The following DCDC1 variants were observed in gnomAD, a reference collection of about 807,000 sequenced individuals.
DCDC1 encodes doublecortin domain-containing protein 1.
A neutral mutation model predicts 178.3 loss-of-function variants in DCDC1; 200 were observed. That is an observed-to-expected ratio of 1.12 (90% CI 1.00 to 1.26). The LOEUF (loss-of-function observed/expected upper bound fraction) is 1.26. Ranked by LOEUF, DCDC1 falls within the 50% of genes most tolerant of loss-of-function variation. The pLI, the probability that DCDC1 is intolerant of heterozygous loss-of-function variation, is 0.00. For missense variants in DCDC1, 1,983 were observed against 1,749.2 expected (o/e 1.13, Z -2.38); for synonymous variants, 690 against 604.8 (o/e 1.14, Z -2.07).
At position 30,933,683 on chromosome 11, in the gene DCDC1, A is replaced by G. The variant is rs115956954; in HGVS notation, c.2716-1731T>C. 3.8e-3 allele frequency among the ~76,000 whole-genome samples: 579 copies of G among 152,338 alleles called. 2 individuals are homozygous for G. The highest frequency in any genetic ancestry group is 0.013 in the African/African-American group (560 of 41,578). On this transcript the variant is annotated intron_variant, in intron 21 of 38. Transcript: ENST00000684477. ...AGCCTCATGAAATGAATTGGAAAGT[A>G]TTGCTTCTTGTGAGAAACACACTCA...
chr11:31,221,997 A>T (rs553449660), intron 9 of DCDC1, among the ~76,000 whole-genome samples: 2 of 152,278 alleles, frequency 1.3e-5, no homozygotes, highest in South Asian at 4.1e-4. Context: ...ACACTAGAAC[A>T]CAATTCAACC....
Position 30,925,030 on chromosome 11 carries a change from G to A in DCDC1, c.2997+279C>T, listed in dbSNP as rs543126827. 6.0e-4 allele frequency among the ~76,000 whole-genome samples: 90 copies of A among 150,688 alleles called. 1 individual carries two copies. The highest frequency in any genetic ancestry group is 1.1e-3 in the African/African-American group (47 of 40,982). ...AGAGGTTGCAGTGAGCCAAGACTGCGCCACTGCACTCCAGCCTGGGTATCA... is the reference window on the plus strand; with the variant it reads ...AGAGGTTGCAGTGAGCCAAGACTGCACCACTGCACTCCAGCCTGGGTATCA... On this transcript the variant is annotated intron_variant, in intron 23 of 38. Transcript: ENST00000684477.
intron 12 of DCDC1, among the ~76,000 whole-genome samples, chr11:31,107,191 T>A (rs1958909857): frequency 6.6e-6 from 1 of 152,188 alleles, no homozygotes; most frequent in African/African-American, 2.4e-5. Flanking sequence ...GGCTTGTGAT[T>A]GAGCTCTGAC....
chr11:30,881,886 C>T (rs773139605), intron 36 of DCDC1, among the ~76,000 whole-genome samples: 6 of 152,160 alleles, frequency 3.9e-5, no homozygotes, highest in Admixed American at 2.6e-4. Flanking sequence ...TGAATACTTA[C>T]TCACAAAATC....
chr11:31,225,230 G>A (rs886820549), intron 9 of DCDC1, among the ~76,000 whole-genome samples: 1 of 152,016 alleles, frequency 6.6e-6, no homozygotes, highest in Non-Finnish European at 1.5e-5. Context: ...TGGAGCTGGA[G>A]GTCATTATTC....
At chr11:30,965,722 G>T (rs1467667296) in intron 20 of DCDC1, among the ~76,000 whole-genome samples, 1 of 141,860 alleles carries the variant, frequency 7.0e-6, no homozygotes, top group Non-Finnish European at 1.5e-5. Context: ...TCTAGCATTA[G>T]GTATATCTCC....
At chr11:31,129,490 A>G (rs1962138097) in intron 10 of DCDC1, among the ~76,000 whole-genome samples, 1 of 152,074 alleles carries the variant, frequency 6.6e-6, no homozygotes, top group African/African-American at 2.4e-5. Context: ...CTAACCCTAC[A>G]ATTGTATTTG....
chr11:30,987,659 T>A (rs113123000), intron 20 of DCDC1, among the ~76,000 whole-genome samples: 8 of 152,128 alleles, frequency 5.3e-5, no homozygotes, highest in African/African-American at 1.9e-4. Context: ...TTTTAAGTAT[T>A]TGGGGCCAGA....
At chr11:31,220,844 A>C (rs905250884) in intron 9 of DCDC1, among the ~76,000 whole-genome samples, 2 of 152,150 alleles carry the variant, frequency 1.3e-5, no homozygotes, top group Admixed American at 1.3e-4. Context: ...AGTATGGTCA[A>C]GTTCTTTCGA....
At chr11:30,921,074 T>C (rs1946220512) in intron 24 of DCDC1, 139 bp from the exon 25 acceptor site, 2 of 799,702 alleles carry the variant, frequency 2.5e-6, no homozygotes, top group South Asian at 2.8e-5. Flanking sequence ...TTAAACTCAG[T>C]TGAATTTAAT....
chr11:30,965,600 T>G (rs1332811139), intron 20 of DCDC1, among the ~76,000 whole-genome samples: 3 of 108,874 alleles, frequency 2.8e-5, no homozygotes, highest in African/African-American at 6.1e-5. Flanking sequence ...GTTTTGTTTT[T>G]TTAATTTTTT....
chr11:30,888,032 G>GAA (rs1313906571), intron 36 of DCDC1, among the ~76,000 whole-genome samples: 6 of 111,476 alleles, frequency 5.4e-5, no homozygotes, highest in South Asian at 5.9e-4. Flanking sequence ...GAGAGAGAGA[G>GAA]AGAAAGAAAG....
At chr11:31,093,312 A>C (rs1957928795) in intron 16 of DCDC1, among the ~76,000 whole-genome samples, 1 of 152,214 alleles carries the variant, frequency 6.6e-6, no homozygotes, top group Non-Finnish European at 1.5e-5. Context: ...AAATAGTGTC[A>C]ATCTTCCCTC....
Position 31,203,771 on chromosome 11 carries a change from A to G in DCDC1, c.1221+37679T>C, listed in dbSNP as rs555877570. Among the ~76,000 whole-genome samples, 8 of 152,346 alleles carry G rather than the reference A, an allele frequency of 5.3e-5. No homozygotes were observed. The South Asian group carries it at 1.7e-3, about 32-fold the overall frequency. On this transcript the variant is annotated intron_variant, in intron 9 of 38. Transcript: ENST00000684477. ...TAAGAAAAATACTATTTTGAATAAT[A>G]AAATTTTAGAAGCACTCATTCTATT...
At chr11:30,874,246 T>G (rs970260544) in intron 38 of DCDC1, among the ~76,000 whole-genome samples, 1 of 152,160 alleles carries the variant, frequency 6.6e-6, no homozygotes, top group African/African-American at 2.4e-5. Flanking sequence ...TCTTCCCAGG[T>G]GCTTGTTAAA....
At chr11:31,085,858 C>A (rs887945750) in intron 17 of DCDC1, among the ~76,000 whole-genome samples, 3 of 152,040 alleles carry the variant, frequency 2.0e-5, no homozygotes, top group Non-Finnish European at 4.4e-5. Flanking sequence ...CAGGGGCACA[C>A]AACCATGCTC....
At chr11:30,930,521 G>A (rs555502930) in intron 22 of DCDC1, among the ~76,000 whole-genome samples, 3 of 152,222 alleles carry the variant, frequency 2.0e-5, no homozygotes, top group South Asian at 2.1e-4. Flanking sequence ...ACCTGAATAC[G>A]TGATGAACTG....
At chr11:31,219,127 C>T (rs1973949974) in intron 9 of DCDC1, among the ~76,000 whole-genome samples, 1 of 151,608 alleles carries the variant, frequency 6.6e-6, no homozygotes, top group South Asian at 2.1e-4. Context: ...ACACACACAG[C>T]CCACATTACA....
At chr11:31,070,667 A>AGCCAAG (rs1410920601) in intron 18 of DCDC1, among the ~76,000 whole-genome samples, 1 of 152,202 alleles carries the variant, frequency 6.6e-6, no homozygotes, top group Non-Finnish European at 1.5e-5. Context: ...ACATGATCGG[A>AGCCAAG]ATTTCACATT....
Sources: gnomAD v4.1 joint callset for allele counts (sites outside exome capture counted in the v4.1 genomes callset) on GRCh38, gnomAD v4.1.1 for gene constraint, MANE v1.5 for transcripts, NCBI Gene and HGNC (gene_info 2026-07-23, HGNC 2026-07-21) for gene names.